Variants in SNUPN observed in about 807,000 individuals in gnomAD.
SNUPN encodes snurportin 1, also known as snurportin-1.
In SNUPN, 31 loss-of-function variants were observed where a neutral mutation model predicts 39.2. The ratio of observed to expected loss-of-function variants is 0.79; its 90% CI spans 0.59 to 1.07. The LOEUF (loss-of-function observed/expected upper bound fraction) is 1.07. SNUPN is among the 50% of genes least tolerant of loss of function. SNUPN has a pLI of 0.00. For missense variants in SNUPN, 382 were observed against 434.2 expected, an observed-to-expected ratio of 0.88 and a Z score of 1.07; for synonymous variants, 132 against 159.0, an observed-to-expected ratio of 0.83 and a Z score of 1.28.
chr15:75,598,100 C>T lies in SNUPN; in HGVS notation c.*258G>A, dbSNP rs575709538. 4 of 391,174 alleles carry T rather than the reference C, an allele frequency of 1.0e-5. No homozygotes were observed. Among genetic ancestry groups the T allele is most frequent in the Non-Finnish European group, 1.8e-5 (4 of 219,098 alleles). 24.2% of individuals were successfully genotyped at this position (391,174 alleles called of 1,614,324 possible). A position where few individuals can be genotyped will look rare whatever the true frequency, so the allele number is the denominator to read the frequency against. On this transcript the variant is annotated 3_prime_UTR_variant, in exon 9 of 9. Transcript: ENST00000308588. Reference sequence around the variant, plus strand: ...CAAACCAGTTCTTTCTTACAAATCACATATATTTACATTGTGGATCTGGGA... The same window carrying T: ...CAAACCAGTTCTTTCTTACAAATCATATATATTTACATTGTGGATCTGGGA...
intron 2 of SNUPN, among the ~76,000 whole-genome samples, chr15:75,618,503 T>A (rs556531907): frequency 6.6e-6 from 1 of 152,196 alleles, no homozygotes; most frequent in South Asian, 2.1e-4. Context: ...AAACAACACA[T>A]GCTAGAAAGT....
Position 75,601,185 on chromosome 15 carries a change from T to C in SNUPN, c.712A>G (p.Thr238Ala). 6.2e-7 allele frequency: 1 copy of C among 1,613,568 alleles called. No homozygotes were observed. The highest frequency in any genetic ancestry group is 2.2e-5 in the East Asian group (1 of 44,862). The part of the protein sequence containing the change: ...KFVGLKNFPC[T>A]PESLCDVLSM... ...AGCACATCACACAGGCTTTCGGGAG[T>C]GCAAGGGAAGTTCTTTAGCCCCACA... The change falls in exon 8 of 9, where the codon ACT (threonine) becomes GCT (alanine). Residue 238 changes from threonine (T) to alanine (A), a missense_variant. Thr to Ala is a moderately conservative substitution (Grantham distance 58). Coordinates refer to ENST00000308588, the MANE Select transcript of SNUPN (RefSeq NM_005701.4).
chr15:75,599,189 A>G (rs1157354041), intron 8 of SNUPN, among the ~76,000 whole-genome samples: 1 of 151,640 alleles, frequency 6.6e-6, no homozygotes, highest in Non-Finnish European at 1.5e-5. Context: ...AAAAAAAAGG[A>G]AAGGATAAAC....
At chr15:75,599,023 C>A (rs1254516101) in intron 8 of SNUPN, among the ~76,000 whole-genome samples, 2 of 151,762 alleles carry the variant, frequency 1.3e-5, no homozygotes, top group Admixed American at 1.3e-4. Flanking sequence ...AAAAAAATAG[C>A]CAGGCATGTG....
chr15:75,626,232 T>TACATACCTCGATTACTGCCTGTTTG (rs1450769484), upstream of SNUPN: 15 of 152,308 alleles, frequency 9.8e-5, no homozygotes, highest in Non-Finnish European at 1.8e-4. Context: ...CAAAAGCAGA[T>TACATACCTCGATTACTGCCTGTTTG]ACATACCTCG....
chr15:75,609,408 C>G (rs1016602344), intron 5 of SNUPN, 150 bp downstream of exon 5: 11 of 615,592 alleles, frequency 1.8e-5, no homozygotes, highest in Middle Eastern at 3.3e-4. Context: ...CCAGGATGGT[C>G]TCGATCTCCT....
chr15:75,605,894 C>A (rs1485669927), intron 6 of SNUPN, among the ~76,000 whole-genome samples: 1 of 152,108 alleles, frequency 6.6e-6, no homozygotes, highest in Admixed American at 6.6e-5. Flanking sequence ...TCGTTCATGC[C>A]CAGCACTTCG....
At chr15:75,616,547 T>A (rs1376540352) in intron 3 of SNUPN, among the ~76,000 whole-genome samples, 1 of 152,020 alleles carries the variant, frequency 6.6e-6, no homozygotes, top group Non-Finnish European at 1.5e-5. Flanking sequence ...CACCTTGGCC[T>A]CCCAAATTGC....
Position 75,609,674 on chromosome 15 carries a change from T to C in SNUPN, c.409-23A>G, listed in dbSNP as rs755992200. 51 of 1,562,312 alleles carry C rather than the reference T, an allele frequency of 3.3e-5. No homozygotes were observed. In the Admixed American group the frequency reaches 4.2e-4, roughly 13 times the overall value. ...ACCCTGCATGGAGAGAAAGTTACCA[T>C]TCTTATTAGACCTCAAGGTCTCCTC... is the stretch of plus-strand genomic sequence containing the variant. On this transcript the variant is annotated intron_variant, in intron 4 of 8. Coordinates refer to ENST00000308588, the MANE Select transcript of SNUPN (RefSeq NM_005701.4).
intron 8 of SNUPN, among the ~76,000 whole-genome samples, chr15:75,600,353 C>A (rs2075275941): frequency 6.6e-6 from 1 of 151,850 alleles, no homozygotes; most frequent in Admixed American, 6.6e-5. Context: ...CGGCTCACTG[C>A]AACCTCTGCC....
intron 7 of SNUPN, among the ~76,000 whole-genome samples, chr15:75,601,620 T>G (rs1311126516): frequency 6.6e-6 from 1 of 151,574 alleles, no homozygotes; most frequent in Non-Finnish European, 1.5e-5. Context: ...GAAGAAAAAC[T>G]TGTAGTCCCA....
At chr15:75,623,511 C>G (rs1289250909) in intron 1 of SNUPN, among the ~76,000 whole-genome samples, 1 of 148,948 alleles carries the variant, frequency 6.7e-6, no homozygotes, top group Non-Finnish European at 1.5e-5. Flanking sequence ...GTGGTGTGAT[C>G]TCGGCTCACT....
chr15:75,605,288 C>T, intron 6 of SNUPN, 61 bp from the exon 7 acceptor site: 2 of 1,077,368 alleles, frequency 1.9e-6, no homozygotes, highest in South Asian at 2.8e-5. Flanking sequence ...CTAATATAAA[C>T]AAAAACACCC....
chr15:75,611,100 G>A (rs552524451), intron 3 of SNUPN, among the ~76,000 whole-genome samples: 94 of 151,212 alleles, frequency 6.2e-4, no homozygotes, highest in African/African-American at 2.0e-3. Flanking sequence ...CCCAGGAGGC[G>A]CAGGTTGCAA....
At chr15:75,620,239 T>C (rs1004079695) in intron 2 of SNUPN, among the ~76,000 whole-genome samples, 7 of 152,182 alleles carry the variant, frequency 4.6e-5, no homozygotes, top group Non-Finnish European at 8.8e-5. Flanking sequence ...ATGGAAACTA[T>C]GCAGCTGTTA....
intron 8 of SNUPN, among the ~76,000 whole-genome samples, chr15:75,600,441 A>AT (rs1298192728): frequency 6.6e-6 from 1 of 151,826 alleles, no homozygotes; most frequent in African/African-American, 2.4e-5. Context: ...CGCCCAGCTA[A>AT]TTTTTGTATT....
intron 2 of SNUPN, among the ~76,000 whole-genome samples, chr15:75,618,917 C>T (rs1172761561): frequency 6.7e-6 from 1 of 148,918 alleles, no homozygotes; most frequent in Non-Finnish European, 1.5e-5. Flanking sequence ...CCTAGCACCA[C>T]GAAAAAGGAA....
At chr15:75,622,747 C>T (rs1893103097) in intron 1 of SNUPN, among the ~76,000 whole-genome samples, 1 of 152,206 alleles carries the variant, frequency 6.6e-6, no homozygotes, top group Non-Finnish European at 1.5e-5. Context: ...ACTCCATAGG[C>T]CTCTACTTGG....
At chr15:75,621,272 T>TC (rs1236033756) in intron 1 of SNUPN, among the ~76,000 whole-genome samples, 1 of 151,450 alleles carries the variant, frequency 6.6e-6, no homozygotes, top group Non-Finnish European at 1.5e-5. Flanking sequence ...CTTTTTTTTT[T>TC]TTTTTTGAGA....
Sources: allele counts gnomAD v4.1 joint callset (sites outside exome capture counted in the v4.1 genomes callset), GRCh38; gene constraint gnomAD v4.1.1; transcripts MANE v1.5; gene names NCBI Gene and HGNC (gene_info 2026-07-23, HGNC 2026-07-21).